The following EEF2KMT variants were observed in gnomAD, a reference collection of about 807,000 sequenced individuals.
EEF2KMT encodes the protein eukaryotic elongation factor 2 lysine methyltransferase.
EEF2KMT carries 30 observed loss-of-function variants against 35.1 expected under a neutral mutation model. The observed-to-expected ratio is 0.85, with a 90% CI of 0.64 to 1.16. EEF2KMT has a LOEUF of 1.16. Ranked by LOEUF, EEF2KMT falls within the 50% of genes most tolerant of loss-of-function variation. The pLI, the probability that EEF2KMT is intolerant of heterozygous loss-of-function variation, is 0.00. For synonymous variants in EEF2KMT, 190 were observed against 187.7 expected (o/e 1.01, Z -0.10); for missense variants, 499 against 438.2 (o/e 1.14, Z -1.24).
intron 6 of EEF2KMT, among the ~76,000 whole-genome samples, 179 bp downstream of exon 6, chr16:5,089,905 A>C (rs1194203986): frequency 6.6e-6 from 1 of 152,218 alleles, no homozygotes; most frequent in East Asian, 1.9e-4. Flanking sequence ...TGTGGGTTGA[A>C]GGTCACCTTA....
At position 5,097,635 on chromosome 16, in the gene EEF2KMT, G is replaced by A. The variant is rs1280492409; in HGVS notation, c.96+9C>T. ...CCCCGCGGGCCTCTCCGCTCGCCCC[G>A]CCGCCCACCTGCCAGGGGAAGGAGC... On this transcript the variant is annotated intron_variant, in intron 1 of 7. Transcript: ENST00000427587. The A allele has an allele frequency of 2.6e-6, 4 of 1,553,136 alleles. No individual in the cohort carries two copies. Among genetic ancestry groups the A allele is most frequent in the East Asian group, 4.8e-5 (2 of 41,972 alleles).
At chr16:5,089,316 C>T (rs554386330) in intron 6 of EEF2KMT, 60 bp from the exon 7 acceptor site, 47 of 1,593,006 alleles carry the variant, frequency 3.0e-5, no homozygotes, top group South Asian at 1.9e-4. Flanking sequence ...GTCATGCTGA[C>T]GTCAGCAGCA....
rs1202190954 is a variant in EEF2KMT, at chr16:5,090,435, T to A, written c.473A>T (p.Asn158Ile). ...CTGCCCTGCGCCCCGAGGTCACCTGTTAGTGAAGACTGCCGGGTTCTCGAT... is the reference window on the plus strand; with the variant it reads ...CTGCCCTGCGCCCCGAGGTCACCTGATAGTGAAGACTGCCGGGTTCTCGAT... ...WAIENPAVFT[N>I]RTVLELGSGA... Residue 158 changes from asparagine to isoleucine, a missense_variant, in exon 5 of 8, where the codon AAC (asparagine) becomes ATC (isoleucine). Transcript: ENST00000427587. This position sits in a 1 kb window ranked among gnomAD's most constrained non-coding sequence, Gnocchi z 4.1. 6.2e-7 allele frequency: 1 copy of A among 1,611,758 alleles called. No individual in the cohort carries two copies. The highest frequency in any genetic ancestry group is 8.5e-7 in the Non-Finnish European group (1 of 1,179,834).
Position 5,085,515 on chromosome 16 carries a change from A to C in EEF2KMT, c.*117T>G. 1 of 877,288 alleles carries C rather than the reference A, an allele frequency of 1.1e-6. No homozygotes were observed. The highest frequency in any genetic ancestry group is 3.4e-4 in the Middle Eastern group (1 of 2,944). The allele number at this position is 877,288 out of a possible 1,614,324, so 54.3% of individuals were successfully genotyped here. The stretch of plus-strand genomic sequence containing the variant: ...GGCAGTTTGTGGTTCCTGATTTGGA[A>C]ATTAACATTCTCCAAACATTCCAGT... On this transcript the variant is annotated 3_prime_UTR_variant, in exon 8 of 8. Transcript: ENST00000427587.
chr16:5,084,703 G>C lies in EEF2KMT; in HGVS notation c.*929C>G. On this transcript the variant is annotated 3_prime_UTR_variant, in exon 8 of 8. Transcript: ENST00000427587. ...TCAGCCAGGTGGTGACCTGGGATGG[G>C]GTGGGGACAGGCAATGAGGTAAGCT... 6.3e-7 allele frequency: 1 copy of C among 1,596,284 alleles called. No homozygotes were observed. The highest frequency in any genetic ancestry group is 8.5e-7 in the Non-Finnish European group (1 of 1,179,696).
chr16:5,092,259 G>C (rs1957355593), intron 3 of EEF2KMT, among the ~76,000 whole-genome samples: 1 of 152,212 alleles, frequency 6.6e-6, no homozygotes. Flanking sequence ...GATTCCGTGA[G>C]AGTTGCCAGG....
chr16:5,097,458 G>C, intron 1 of EEF2KMT, 186 bp downstream of exon 1: 1 of 1,416,054 alleles, frequency 7.1e-7, no homozygotes, highest in South Asian at 1.4e-5. Flanking sequence ...CAGCTCGCGG[G>C]GCAGGAGGGG....
At position 5,085,023 on chromosome 16, in the gene EEF2KMT, G is replaced by C. The variant is rs1455959430; in HGVS notation, c.*609C>G. ...ACAGCAGTGGTACTGCCTGGTAAAA[G>C]AATTGGTTCTGTGACCCGGGAAGCT... On this transcript the variant is annotated 3_prime_UTR_variant, in exon 8 of 8. Coordinates refer to ENST00000427587, the MANE Select transcript of EEF2KMT (RefSeq NM_201400.4). The C allele has an allele frequency of 1.3e-5, 19 of 1,477,292 alleles. No individual in the cohort carries two copies. In the Admixed American group the frequency reaches 2.4e-4, roughly 18 times the overall value. 91.5% of individuals were successfully genotyped at this position (1,477,292 alleles called of 1,614,324 possible).
At chr16:5,097,555 G>C (rs1957499390) in intron 1 of EEF2KMT, 89 bp downstream of exon 1, 8 of 1,512,982 alleles carry the variant, frequency 5.3e-6, no homozygotes, top group Non-Finnish European at 7.0e-6. Context: ...CGTGGCGGGA[G>C]CGCCAGGGGC....
At chr16:5,085,787 G>A in intron 7 of EEF2KMT, 55 bp from the exon 8 acceptor site, 2 of 1,376,020 alleles carry the variant, frequency 1.5e-6, no homozygotes, top group Non-Finnish European at 1.0e-6. Context: ...CAGGACATGA[G>A]GGTATTGTGT....
intron 1 of EEF2KMT, 170 bp downstream of exon 1, chr16:5,097,474 G>C: frequency 2.1e-6 from 3 of 1,418,422 alleles, no homozygotes; most frequent in African/African-American, 2.9e-5. Flanking sequence ...AGGGGTGCGA[G>C]CGACTCTGGC....
intron 6 of EEF2KMT, among the ~76,000 whole-genome samples, chr16:5,089,644 G>A (rs1957297725): frequency 1.3e-5 from 2 of 152,172 alleles, no homozygotes; most frequent in African/African-American, 2.4e-5. Context: ...CGCTGGACCT[G>A]TGGGTTTCAG....
intron 1 of EEF2KMT, among the ~76,000 whole-genome samples, chr16:5,096,566 T>G (rs1957471491): frequency 6.6e-6 from 1 of 152,180 alleles, no homozygotes; most frequent in Non-Finnish European, 1.5e-5. Flanking sequence ...TATCATTATA[T>G]CCCCCATTTT....
chr16:5,094,554 C>T (rs1348543843), intron 2 of EEF2KMT, among the ~76,000 whole-genome samples: 1 of 152,206 alleles, frequency 6.6e-6, no homozygotes, highest in East Asian at 1.9e-4. Context: ...TGAGCCAGTG[C>T]ACCCAGCCTT....
intron 7 of EEF2KMT, among the ~76,000 whole-genome samples, chr16:5,087,691 A>G (rs1267576471): frequency 6.7e-6 from 1 of 150,362 alleles, no homozygotes; most frequent in East Asian, 2.1e-4. Flanking sequence ...CCAGCTACTC[A>G]GGAGGCTGAG....
chr16:5,095,344 A>G, intron 2 of EEF2KMT, 108 bp downstream of exon 2: 1 of 1,561,960 alleles, frequency 6.4e-7, no homozygotes, highest in Non-Finnish European at 8.8e-7. Flanking sequence ...TGTTTTTTGA[A>G]CAGGGGTGTT....
Position 5,089,175 on chromosome 16 carries a change from G to T in EEF2KMT, c.824C>A (p.Ala275Asp). 6.2e-7 allele frequency: 1 copy of T among 1,611,984 alleles called. No individual in the cohort carries two copies. The highest frequency in any genetic ancestry group is 8.5e-7 in the Non-Finnish European group (1 of 1,179,864). Residue 275 changes from alanine to aspartate, a missense_variant, in exon 7 of 8, where the codon GCT becomes GAT. Ala to Asp is a moderately radical substitution (Grantham distance 126). Coordinates refer to ENST00000427587, the MANE Select transcript of EEF2KMT (RefSeq NM_201400.4). ...RLAACREHQRAPEVYVAFTVR... is the reference protein window; with the variant it reads ...RLAACREHQRDPEVYVAFTVR... Reference sequence around the variant, plus strand: ...GGTAAAGGCCACGTAGACCTCAGGAGCCCGCTGGTGCTCCCGGCAGGCAGC... The same window carrying T: ...GGTAAAGGCCACGTAGACCTCAGGATCCCGCTGGTGCTCCCGGCAGGCAGC...
In EEF2KMT at chr16:5,084,342, G is replaced by A. The variant is rs573561677; in HGVS notation, c.*1290C>T. 1 of 381,250 alleles carries A rather than the reference G, an allele frequency of 2.6e-6. No homozygotes were observed. The highest frequency in any genetic ancestry group is 6.0e-5 in the East Asian group (1 of 16,682). The allele number at this position is 381,250 out of a possible 1,614,324, so 23.6% of individuals were successfully genotyped here. On this transcript the variant is annotated 3_prime_UTR_variant, in exon 8 of 8. Transcript: ENST00000427587. Reference sequence around the variant, plus strand: ...AACTTTATTTACAAACACAGGCTGTGGGCTGGATTTGGCCTGCAGGCTGTA... The same window carrying A: ...AACTTTATTTACAAACACAGGCTGTAGGCTGGATTTGGCCTGCAGGCTGTA...
Position 5,097,747 on chromosome 16 carries a change from G to A in EEF2KMT, c.-8C>T. 4 of 1,554,108 alleles carry A rather than the reference G, an allele frequency of 2.6e-6. No individual in the cohort carries two copies. On this transcript the variant is annotated 5_prime_UTR_variant, in exon 1 of 8. Coordinates refer to ENST00000427587, the MANE Select transcript of EEF2KMT (RefSeq NM_201400.4). Reference sequence around the variant, plus strand: ...GTTCTCCTCGGGCGCCATGACGTGGGCGGGGCCGCAGCGTTGCCGGCAGAC... The same window carrying A: ...GTTCTCCTCGGGCGCCATGACGTGGACGGGGCCGCAGCGTTGCCGGCAGAC...
Sources: allele counts gnomAD v4.1 joint callset (sites outside exome capture counted in the v4.1 genomes callset), GRCh38; gene constraint gnomAD v4.1.1; non-coding constraint Gnocchi (gnomAD v3.1); transcripts MANE v1.5; gene names NCBI Gene and HGNC (gene_info 2026-07-23, HGNC 2026-07-21).